The following REPS2 variants were observed in gnomAD, a reference collection of about 807,000 sequenced individuals.
REPS2 encodes the protein ralBP1-associated Eps domain-containing protein 2.
Under a neutral mutation model 53.6 loss-of-function variants are expected in REPS2, and 23 were observed. The ratio of observed to expected loss-of-function variants is 0.43; its 90% CI spans 0.31 to 0.61. The LOEUF (loss-of-function observed/expected upper bound fraction) is 0.61. REPS2 is among the 20% of genes least tolerant of loss of function. The pLI is 0.11. For synonymous variants in REPS2, 238 were observed against 218.6 expected (o/e 1.09, Z -0.78); for missense variants, 446 against 534.9 (o/e 0.83, Z 1.64).
rs181662003 is a variant in REPS2, at chrX:17,049,518, T to A, written c.907+2036T>A. On this transcript the variant is annotated intron_variant, in intron 6 of 17. Transcript: ENST00000357277. ...CAAAAAGTTTAAATGGTAAAAAAAT[T>A]AAAAATTTTAAAAATAGAATAATAG... 7.5e-4 allele frequency among the ~76,000 whole-genome samples: 84 copies of A among 112,030 alleles called. 3 individuals are homozygous for A. The East Asian group carries it at 0.02, about 27-fold the overall frequency.
the REPS2 span, among the ~76,000 whole-genome samples, chrX:17,174,458 T>C: frequency 2.7e-5 from 3 of 111,614 alleles, no homozygotes; most frequent in Non-Finnish European, 5.7e-5. Flanking sequence ...GGTATCAGGA[T>C]TTTTTAAGGC....
chrX:17,090,956 T>A (rs1275612741), intron 13 of REPS2, among the ~76,000 whole-genome samples: 2 of 112,364 alleles, frequency 1.8e-5, no homozygotes, highest in African/African-American at 6.5e-5. Flanking sequence ...AATATCCAGT[T>A]ATCCCAGCAC....
At chrX:17,077,492 C>T (rs961377947) in intron 13 of REPS2, 85 bp downstream of exon 13, 47 of 983,804 alleles carry the variant, frequency 4.8e-5, no homozygotes, top group Admixed American at 3.2e-4. Flanking sequence ...TCTGTGAGTC[C>T]GGAGAAAGAG....
the REPS2 span, among the ~76,000 whole-genome samples, chrX:17,194,363 G>A: frequency 1.8e-5 from 2 of 111,028 alleles, no homozygotes; most frequent in Admixed American, 9.6e-5. Context: ...AACAAACCAT[G>A]GTATGTACAT....
At chrX:17,117,220 G>C (rs1435039990) in intron 14 of REPS2, among the ~76,000 whole-genome samples, 1 of 112,122 alleles carries the variant, frequency 8.9e-6, no homozygotes. Flanking sequence ...TCTGGCATCA[G>C]GGAATGAGCT....
At chrX:17,109,120 C>CTTCCAG (rs775310853) in intron 14 of REPS2, among the ~76,000 whole-genome samples, 1 of 111,118 alleles carries the variant, frequency 9.0e-6, no homozygotes. Context: ...CTCCTGCTCA[C>CTTCCAG]TTCCAGTTCC....
At chrX:17,164,441 C>G in the REPS2 span, among the ~76,000 whole-genome samples, 2 of 111,990 alleles carry the variant, frequency 1.8e-5, no homozygotes, top group Non-Finnish European at 3.8e-5. Context: ...TAGAGTGGCT[C>G]TACTAATATC....
intron 6 of REPS2, among the ~76,000 whole-genome samples, chrX:17,050,064 G>A (rs1265294893): frequency 9.5e-6 from 1 of 105,251 alleles, no homozygotes; most frequent in Non-Finnish European, 1.9e-5. Flanking sequence ...GACCTACAAA[G>A]GTGAACCATT....
chrX:17,161,618 C>CT, the REPS2 span, among the ~76,000 whole-genome samples: 344 of 102,069 alleles, frequency 3.4e-3, 1 homozygote, highest in African/African-American at 6.1e-3. Flanking sequence ...GATCTCCTGC[C>CT]TTTTTTTTTT....
intron 7 of REPS2, among the ~76,000 whole-genome samples, chrX:17,053,429 G>C (rs1218633432): frequency 2.7e-5 from 3 of 111,372 alleles, no homozygotes; most frequent in Non-Finnish European, 5.6e-5. Context: ...CCAGGCTGGA[G>C]TGCAGTGACA....
chrX:17,089,007 A>G (rs1192820648), intron 13 of REPS2, among the ~76,000 whole-genome samples: 1 of 111,385 alleles, frequency 9.0e-6, no homozygotes, highest in Non-Finnish European at 1.9e-5. Context: ...ACGGGCAATA[A>G]CACTAATTAA....
Position 17,148,575 on chromosome X carries a change from G to A in REPS2, c.*1094G>A, listed in dbSNP as rs1185812497. 5 of 124,875 alleles carry A rather than the reference G, an allele frequency of 4.0e-5. No homozygotes were observed. The highest frequency in any genetic ancestry group is 8.1e-5 in the Non-Finnish European group (5 of 61,572). The allele number at this position is 124,875 out of a possible 1,213,427, so 10.3% of individuals were successfully genotyped here. A position where few individuals can be genotyped will look rare whatever the true frequency, so the allele number is the denominator to read the frequency against. On this transcript the variant is annotated 3_prime_UTR_variant, in exon 18 of 18. Transcript: ENST00000357277. ...GTGACTGTTTTGTTCTCTGTAAAGTGTATTCTTGGGAAGTGATTGGTTTAT... is the reference window on the plus strand; with the variant it reads ...GTGACTGTTTTGTTCTCTGTAAAGTATATTCTTGGGAAGTGATTGGTTTAT...
chrX:16,983,652 G>A (rs919572699), intron 1 of REPS2, among the ~76,000 whole-genome samples: 1 of 112,088 alleles, frequency 8.9e-6, no homozygotes, highest in Non-Finnish European at 1.9e-5. Flanking sequence ...ACAGGCATGC[G>A]CCACCATGCC....
At chrX:17,036,209 A>G (rs954644890) in intron 5 of REPS2, among the ~76,000 whole-genome samples, 2 of 112,642 alleles carry the variant, frequency 1.8e-5, no homozygotes, top group African/African-American at 3.2e-5. Flanking sequence ...CCAACAATAT[A>G]TGAAAATGTC....
chrX:17,078,452 TA>T (rs1488018887), intron 13 of REPS2, among the ~76,000 whole-genome samples: 1 of 112,147 alleles, frequency 8.9e-6, no homozygotes, highest in Admixed American at 9.5e-5. Context: ...TGGAACTCTC[TA>T]TCAAATTTAA....
chrX:16,981,999 C>G (rs1216399744), intron 1 of REPS2, among the ~76,000 whole-genome samples: 1 of 111,546 alleles, frequency 9.0e-6, no homozygotes, highest in East Asian at 2.8e-4. Context: ...CCCTAACAAC[C>G]ACTAACCTAC....
chrX:17,016,369 C>CT (rs2061493100), intron 2 of REPS2, among the ~76,000 whole-genome samples: 1 of 112,045 alleles, frequency 8.9e-6, no homozygotes, highest in African/African-American at 3.2e-5. Context: ...GCTAATAAAA[C>CT]TTTATTTATG....
At position 17,077,399 on chromosome X, in the gene REPS2, G is replaced by A; in HGVS notation, c.1508G>A (p.Ser503Asn). 1 of 1,198,769 alleles carries A rather than the reference G, an allele frequency of 8.3e-7. No homozygotes were observed. Among genetic ancestry groups the A allele is most frequent in the Non-Finnish European group, 1.1e-6 (1 of 889,846 alleles). ...GATCTGAATAAAGTCTTCCAGCCCAGTGTGCCAGGTGAAGTGCCCCTTGCC... is the reference window on the plus strand; with the variant it reads ...GATCTGAATAAAGTCTTCCAGCCCAATGTGCCAGGTGAAGTGCCCCTTGCC... ...SLDLNKVFQP[S>N]VPATKSGLLP... The change falls in exon 13 of 18, where the codon AGT becomes AAT. Residue 503 changes from serine (S) to asparagine (N), a missense_variant. Physicochemically the swap from Ser to Asn is conservative, Grantham distance 46 (BLOSUM62 1). Transcript: ENST00000357277.
At chrX:16,973,593 T>G (rs1004269016) in intron 1 of REPS2, among the ~76,000 whole-genome samples, 11 of 111,959 alleles carry the variant, frequency 9.8e-5, no homozygotes, top group Admixed American at 3.8e-4. Context: ...CATTTCTGGT[T>G]GTGTAGGCAG....
Sources: gnomAD v4.1 joint callset for allele counts (sites outside exome capture counted in the v4.1 genomes callset) on GRCh38, gnomAD v4.1.1 for gene constraint, MANE v1.5 for transcripts, NCBI Gene and HGNC (gene_info 2026-07-23, HGNC 2026-07-21) for gene names.